The following RAB3C variants were observed in gnomAD, a reference collection of about 807,000 sequenced individuals.
RAB3C encodes RAB3C, member RAS oncogene family, also known as ras-related protein Rab-3C.
A neutral mutation model predicts 26.4 loss-of-function variants in RAB3C; 17 were observed. The ratio of observed to expected loss-of-function variants is 0.64; its 90% CI spans 0.44 to 0.97. The LOEUF (loss-of-function observed/expected upper bound fraction) is 0.97. RAB3C is among the 50% of genes least tolerant of loss of function. The probability of loss-of-function intolerance (pLI) is 0.00; values close to 1 mark genes in which losing one functional copy is unlikely to be tolerated. For synonymous variants in RAB3C, 91 were observed against 95.9 expected (o/e 0.95, Z 0.30); for missense variants, 242 against 281.9 (o/e 0.86, Z 1.01).
intron 4 of RAB3C, among the ~76,000 whole-genome samples, chr5:58,827,964 A>G (rs1460023084): frequency 6.6e-6 from 1 of 152,210 alleles, no homozygotes; most frequent in Admixed American, 6.5e-5. Flanking sequence ...AAAAGTCATT[A>G]CCACATCTTG....
intron 4 of RAB3C, among the ~76,000 whole-genome samples, chr5:58,835,117 C>A (rs1188408873): frequency 3.3e-5 from 5 of 152,178 alleles, no homozygotes; most frequent in Admixed American, 2.6e-4. Context: ...CATGCAGCAT[C>A]TTTGAGTGAT....
At chr5:58,670,378 A>G (rs1189395497) in intron 2 of RAB3C, among the ~76,000 whole-genome samples, 3 of 152,170 alleles carry the variant, frequency 2.0e-5, no homozygotes, top group African/African-American at 7.2e-5. Flanking sequence ...GTGAAAGAAC[A>G]TAAGTGATTT....
At chr5:58,610,922 A>G (rs35584009) in intron 1 of RAB3C, among the ~76,000 whole-genome samples, 5,452 of 151,514 alleles carry the variant, frequency 0.036, 158 homozygotes, top group Non-Finnish European at 0.052. Flanking sequence ...TCACTGTTCT[A>G]TAGGCCCCAG....
chr5:58,762,884 T>G (rs980266187), intron 3 of RAB3C, among the ~76,000 whole-genome samples: 1 of 152,186 alleles, frequency 6.6e-6, no homozygotes, highest in Non-Finnish European at 1.5e-5. Flanking sequence ...AAATCATGAC[T>G]CTCATACAAA....
chr5:58,700,252 A>G (rs574263607), intron 2 of RAB3C, among the ~76,000 whole-genome samples: 1 of 152,388 alleles, frequency 6.6e-6, no homozygotes, highest in East Asian at 1.9e-4. Context: ...ATACTTTAAA[A>G]GACAAAAGCA....
At chr5:58,847,222 G>A (rs1744024216) in intron 4 of RAB3C, 1 of 152,238 alleles carries the variant, frequency 6.6e-6, no homozygotes, top group Admixed American at 6.5e-5. Flanking sequence ...TGTAGTCTGA[G>A]AGACAGGTGT....
chr5:58,804,889 T>A (rs936573567), intron 3 of RAB3C, among the ~76,000 whole-genome samples: 2 of 151,942 alleles, frequency 1.3e-5, no homozygotes, highest in African/African-American at 4.8e-5. Context: ...TTTTGTGTGG[T>A]CACTTTCCTT....
intron 1 of RAB3C, among the ~76,000 whole-genome samples, chr5:58,612,175 A>C (rs1351821635): frequency 1.3e-5 from 2 of 152,042 alleles, no homozygotes; most frequent in Non-Finnish European, 2.9e-5. Context: ...TGATGCCTCC[A>C]GCTTTGTTCT....
intron 2 of RAB3C, among the ~76,000 whole-genome samples, chr5:58,655,878 C>T (rs1747760303): frequency 7.0e-6 from 1 of 143,692 alleles, no homozygotes; most frequent in Non-Finnish European, 1.5e-5. Context: ...TCACTGCAAG[C>T]TCCGCCTCCC....
intron 4 of RAB3C, 47 bp downstream of exon 4, chr5:58,825,209 A>T (rs1743447371): frequency 1.9e-6 from 3 of 1,573,166 alleles, no homozygotes; most frequent in Non-Finnish European, 2.6e-6. Flanking sequence ...TTTGCTTATT[A>T]TATGTAACTC....
intron 2 of RAB3C, among the ~76,000 whole-genome samples, chr5:58,656,455 A>G (rs1456527991): frequency 6.6e-6 from 1 of 152,240 alleles, no homozygotes; most frequent in East Asian, 1.9e-4. Context: ...GTATACATAT[A>G]TCAAAACACC....
rs1268592819 is a variant in RAB3C, at chr5:58,683,344, T to C, written c.253-42658T>C. ...TTTTCCTCCTGGTCTGCAATTCTTT[T>C]TTGTTATTTTTCTGTTTAAAAATAA... is the stretch of plus-strand genomic sequence containing the variant. On this transcript the variant is annotated intron_variant, in intron 2 of 4. Transcript: ENST00000282878. 2.0e-5 allele frequency among the ~76,000 whole-genome samples: 3 copies of C among 151,446 alleles called. No homozygotes were observed. In the East Asian group the frequency reaches 5.8e-4, roughly 29 times the overall value.
At chr5:58,652,877 T>A (rs1024546107) in intron 2 of RAB3C, among the ~76,000 whole-genome samples, 23 of 152,178 alleles carry the variant, frequency 1.5e-4, no homozygotes, top group Admixed American at 5.2e-4. Flanking sequence ...CTTTTCCAGA[T>A]AAACTTTAGA....
At chr5:58,611,116 T>C (rs1746691354) in intron 1 of RAB3C, among the ~76,000 whole-genome samples, 1 of 152,106 alleles carries the variant, frequency 6.6e-6, no homozygotes, top group African/African-American at 2.4e-5. Context: ...ACATTTTCTT[T>C]ATCCAGTCTA....
chr5:58,611,927 C>A (rs1746712426), intron 1 of RAB3C, among the ~76,000 whole-genome samples: 1 of 152,042 alleles, frequency 6.6e-6, no homozygotes, highest in Non-Finnish European at 1.5e-5. Flanking sequence ...AGGAAGGGGT[C>A]CAGTTTCAAT....
intron 2 of RAB3C, among the ~76,000 whole-genome samples, chr5:58,673,163 A>C (rs2111827231): frequency 6.6e-6 from 1 of 152,254 alleles, no homozygotes; most frequent in Admixed American, 6.5e-5. Context: ...GAAGAAACCT[A>C]TTTAGTGAGT....
intron 1 of RAB3C, among the ~76,000 whole-genome samples, chr5:58,606,140 C>T (rs1041422437): frequency 6.6e-6 from 1 of 152,180 alleles, no homozygotes; most frequent in Non-Finnish European, 1.5e-5. Context: ...TTTCCCTTTC[C>T]TAGCCAAGGG....
At chr5:58,743,434 T>C (rs1259929191) in intron 3 of RAB3C, among the ~76,000 whole-genome samples, 1 of 152,172 alleles carries the variant, frequency 6.6e-6, no homozygotes, top group South Asian at 2.1e-4. Flanking sequence ...CTGGGATACA[T>C]GTGCAGAATG....
At chr5:58,837,134 T>C (rs897117630) in intron 4 of RAB3C, among the ~76,000 whole-genome samples, 2 of 152,204 alleles carry the variant, frequency 1.3e-5, no homozygotes, top group Non-Finnish European at 2.9e-5. Flanking sequence ...CTCTGATGAT[T>C]GGTGATGTTG....
Sources: allele counts gnomAD v4.1 joint callset (sites outside exome capture counted in the v4.1 genomes callset), GRCh38; gene constraint gnomAD v4.1.1; transcripts MANE v1.5; gene names NCBI Gene and HGNC (gene_info 2026-07-23, HGNC 2026-07-21).